Variants in GLI3 observed in about 807,000 individuals in gnomAD.
The protein encoded by GLI3 is transcription activator GLI3.
A neutral mutation model predicts 100.8 loss-of-function variants in GLI3; 20 were observed. That is an observed-to-expected ratio of 0.20 (90% CI 0.14 to 0.29). GLI3 has a LOEUF of 0.29. GLI3 is among the 10% of genes least tolerant of loss of function. The probability of loss-of-function intolerance (pLI) is 1.00; values close to 1 mark genes in which losing one functional copy is unlikely to be tolerated. For missense variants in GLI3, 2,040 were observed against 2,128.5 expected (o/e 0.96, Z 0.82); for synonymous variants, 938 against 860.5 (o/e 1.09, Z -1.58).
chr7:42,011,881 A>G (rs1403542732), intron 10 of GLI3, among the ~76,000 whole-genome samples: 2 of 152,196 alleles, frequency 1.3e-5, no homozygotes, highest in East Asian at 1.9e-4. Context: ...AATGCCACAC[A>G]GAACTGCAAA....
intron 1 of GLI3, among the ~76,000 whole-genome samples, chr7:42,244,098 T>C (rs533651176): frequency 2.0e-5 from 3 of 152,306 alleles, no homozygotes; most frequent in Non-Finnish European, 4.4e-5. Flanking sequence ...CCTCCCAAAG[T>C]GCTGGGATTA....
At chr7:42,121,346 G>A (rs1001117948) in intron 3 of GLI3, among the ~76,000 whole-genome samples, 1 of 152,206 alleles carries the variant, frequency 6.6e-6, no homozygotes. Flanking sequence ...GTTCCCTGGG[G>A]ATGCAGATGC....
intron 13 of GLI3, among the ~76,000 whole-genome samples, 176 bp from the exon 14 acceptor site, chr7:41,968,099 C>CA (rs1787239213): frequency 6.6e-6 from 1 of 152,144 alleles, no homozygotes; most frequent in Admixed American, 6.5e-5. Flanking sequence ...GACGGATGGA[C>CA]CACCAGGCTG....
Position 41,967,825 on chromosome 7 carries a change from A to G in GLI3, c.2202T>C (p.Asp734=). 6.2e-7 allele frequency: 1 copy of G among 1,614,122 alleles called. No individual in the cohort carries two copies. The highest frequency in any genetic ancestry group is 8.5e-7 in the Non-Finnish European group (1 of 1,180,008). The change falls in exon 14 of 15, where the codon GAT becomes GAC. Residue 734 remains aspartate, a synonymous_variant. Coordinates refer to ENST00000395925, the MANE Select transcript of GLI3 (RefSeq NM_000168.6). ...SNSGLELPLT[D]GGSIGDLSAI... ...CACTGAGGTCTCCTATACTACCTCC[A>G]TCGGTCAGAGGAAGCTCGAGCCCAC... is the stretch of plus-strand genomic sequence containing the variant.
At chr7:42,196,808 G>A (rs540088836) in intron 2 of GLI3, among the ~76,000 whole-genome samples, 5 of 152,212 alleles carry the variant, frequency 3.3e-5, no homozygotes, top group Non-Finnish European at 5.9e-5. Context: ...AGAAGGGAAG[G>A]AAAGCAGAAA....
chr7:41,990,865 AGTGTGTGTGTGTGTGT>A (rs57245025), intron 10 of GLI3, among the ~76,000 whole-genome samples: 1 of 142,750 alleles, frequency 7.0e-6, no homozygotes, highest in African/African-American at 2.6e-5. Flanking sequence ...GATTAAGGCA[AGTGTGTGTGTGTGTGT>A]GTGTGTGTGT....
rs557508872 is a variant in GLI3 at position 42,213,675 on chromosome 7, G to A, written c.124+9455C>T. 4.6e-5 allele frequency among the ~76,000 whole-genome samples: 7 copies of A among 152,320 alleles called. No individual in the cohort carries two copies. In the South Asian group the frequency reaches 1.5e-3, roughly 32 times the overall value. ...CCATTTTGAAACCAATTTCAATTAG[G>A]ATCCAGAAGCTGTTATCACAGGTGT... is the stretch of plus-strand genomic sequence containing the variant. On this transcript the variant is annotated intron_variant, in intron 2 of 14. Coordinates refer to ENST00000395925, the MANE Select transcript of GLI3 (RefSeq NM_000168.6).
chr7:42,187,299 C>T (rs529198127), intron 2 of GLI3, among the ~76,000 whole-genome samples: 122 of 151,428 alleles, frequency 8.1e-4, no homozygotes, highest in African/African-American at 2.9e-3. Flanking sequence ...ACCCCAAATA[C>T]ATTTTCTTTT....
intron 1 of GLI3, among the ~76,000 whole-genome samples, chr7:42,233,951 C>A (rs1293688308): frequency 1.3e-5 from 2 of 152,076 alleles, no homozygotes; most frequent in East Asian, 3.9e-4. Context: ...TATAAGTTGG[C>A]AGAAAATTTA....
At chr7:41,984,964 T>G (rs1469881526) in intron 10 of GLI3, among the ~76,000 whole-genome samples, 1 of 152,246 alleles carries the variant, frequency 6.6e-6, no homozygotes, top group Non-Finnish European at 1.5e-5. Context: ...ACAGGTGGTG[T>G]TATGGCCTTC....
chr7:42,216,901 G>A (rs1562789896), intron 2 of GLI3, among the ~76,000 whole-genome samples: 1 of 152,174 alleles, frequency 6.6e-6, no homozygotes, highest in Non-Finnish European at 1.5e-5. Context: ...ATATCAGATT[G>A]GACTGTCAGA....
intron 2 of GLI3, among the ~76,000 whole-genome samples, chr7:42,198,605 T>C (rs779968306): frequency 1.3e-5 from 2 of 152,176 alleles, no homozygotes; most frequent in Non-Finnish European, 2.9e-5. Context: ...TGGCAAGACC[T>C]GGAATCAGGG....
chr7:42,183,858 C>T (rs1787667403), intron 2 of GLI3, among the ~76,000 whole-genome samples: 1 of 152,140 alleles, frequency 6.6e-6, no homozygotes, highest in African/African-American at 2.4e-5. Context: ...CCTCCTAGCT[C>T]TCCTCCTGCC....
At chr7:42,181,614 CA>C (rs1043041473) in intron 2 of GLI3, among the ~76,000 whole-genome samples, 3 of 151,794 alleles carry the variant, frequency 2.0e-5, no homozygotes, top group African/African-American at 7.3e-5. Context: ...CAACAACAAA[CA>C]AAAAAACAAC....
chr7:42,164,881 GT>G (rs1033428990), intron 2 of GLI3, among the ~76,000 whole-genome samples: 4,924 of 144,992 alleles, frequency 0.034, 225 homozygotes, highest in African/African-American at 0.11. Context: ...GGGGGTTTTG[GT>G]TTTTTTTTTT....
chr7:42,068,052 T>C (rs1201858634), intron 4 of GLI3, among the ~76,000 whole-genome samples: 2 of 152,242 alleles, frequency 1.3e-5, no homozygotes, highest in African/African-American at 2.4e-5. Flanking sequence ...TTTATCTTTA[T>C]TGGAAATGCA....
chr7:42,053,018 G>C (rs559779306), intron 4 of GLI3, among the ~76,000 whole-genome samples: 2 of 152,310 alleles, frequency 1.3e-5, no homozygotes, highest in African/African-American at 4.8e-5. Context: ...TTTCGAGACA[G>C]AGTTTCACTC....
At chr7:42,236,153 A>T (rs1369556462) in intron 1 of GLI3, among the ~76,000 whole-genome samples, 1 of 152,062 alleles carries the variant, frequency 6.6e-6, no homozygotes, top group Non-Finnish European at 1.5e-5. Flanking sequence ...AATCTGCTTA[A>T]AAGTCGCTTC....
chr7:41,996,172 A>C (rs969608714), intron 10 of GLI3, among the ~76,000 whole-genome samples: 15 of 152,248 alleles, frequency 9.9e-5, no homozygotes, highest in Admixed American at 3.3e-4. Context: ...GTATGTTCAT[A>C]CATTTGTATA....
Sources: allele counts gnomAD v4.1 joint callset (sites outside exome capture counted in the v4.1 genomes callset), GRCh38; gene constraint gnomAD v4.1.1; transcripts MANE v1.5; gene names NCBI Gene and HGNC (gene_info 2026-07-23, HGNC 2026-07-21).